Variants in ZNF695 observed in about 807,000 individuals in gnomAD.
ZNF695 encodes zinc finger protein 695.
A neutral mutation model predicts 11.2 loss-of-function variants in ZNF695; 11 were observed. The observed-to-expected ratio is 0.98, with a 90% CI of 0.62 to 1.62. The LOEUF is 1.62. Among genes scored for constraint, ZNF695 ranks in the 40% most tolerant of loss-of-function variants. The probability of loss-of-function intolerance (pLI) is 0.00; values close to 1 mark genes in which losing one functional copy is unlikely to be tolerated. For missense variants in ZNF695, 559 were observed against 590.5 expected (o/e 0.95, Z 0.55); for synonymous variants, 190 against 201.4 (o/e 0.94, Z 0.48).
In ZNF695 at chr1:246,986,948, T is replaced by C; in HGVS notation, c.*19A>G. On this transcript the variant is annotated 3_prime_UTR_variant, in exon 4 of 4. Transcript: ENST00000339986. ...GTATTAAAGACTATGCCATATTGTT[T>C]AGAATTGTAGGGTTTTTCTCAGGTA... is the stretch of plus-strand genomic sequence containing the variant. The C allele has an allele frequency of 6.5e-7, 1 of 1,545,296 alleles. No individual in the cohort carries two copies. The highest frequency in any genetic ancestry group is 1.7e-4 in the Middle Eastern group (1 of 5,734).
At chr1:246,959,001 T>C (rs995168230) in intron 5 of ZNF695, among the ~76,000 whole-genome samples, 6 of 151,816 alleles carry the variant, frequency 4.0e-5, no homozygotes, top group African/African-American at 1.2e-4. Flanking sequence ...TCAGATACTG[T>C]GTCTTGGCCA....
chr1:246,972,927 A>ATG (rs935165677), intron 4 of ZNF695, among the ~76,000 whole-genome samples: 2 of 93,098 alleles, frequency 2.1e-5, no homozygotes, highest in Non-Finnish European at 4.0e-5. Context: ...TATATTTTTA[A>ATG]TGTGTATATA....
At position 246,985,554 on chromosome 1, in the gene ZNF695, G is replaced by A. The variant is rs557181436; in HGVS notation, c.*1413C>T. 1.6e-5 allele frequency: 16 copies of A among 985,348 alleles called. No homozygotes were observed. In the East Asian group the frequency reaches 3.4e-4, roughly 21 times the overall value. 61.0% of individuals were successfully genotyped at this position (985,348 alleles called of 1,614,324 possible). A position where few individuals can be genotyped will look rare whatever the true frequency, so the allele number is the denominator to read the frequency against. ...CGTAACTAAGGTGAGATAGGTTAAC[G>A]TTGGTGGTAGGATACGCATCACTTA... On this transcript the variant is annotated 3_prime_UTR_variant, in exon 4 of 4. Transcript: ENST00000339986.
intron 5 of ZNF695, among the ~76,000 whole-genome samples, chr1:246,962,134 G>T (rs905417191): frequency 6.6e-6 from 1 of 152,236 alleles, no homozygotes; most frequent in African/African-American, 2.4e-5. Flanking sequence ...ACAAATTAAA[G>T]CAATGTTTAT....
At chr1:246,979,728 TTAGTTTAGAG>T (rs1410274625) in intron 4 of ZNF695, 1 of 40,626 alleles carries the variant, frequency 2.5e-5, no homozygotes, top group African/African-American at 3.7e-5. Flanking sequence ...CTCATAATTG[TTAGTTTAGAG>T]TATTCTTTAA....
chr1:246,989,048 C>T (rs371250839), intron 3 of ZNF695, among the ~76,000 whole-genome samples: 4 of 146,472 alleles, frequency 2.7e-5, no homozygotes, highest in East Asian at 4.0e-4. Flanking sequence ...GAGCCAAGAT[C>T]GCGCCACTGC....
chr1:246,999,955 G>A lies in ZNF695; in HGVS notation c.123C>T (p.Ile41=), dbSNP rs200287875. 1.7e-4 allele frequency: 278 copies of A among 1,614,164 alleles called. No homozygotes were observed. The East Asian group carries it at 2.1e-3, about 12-fold the overall frequency. The change falls in exon 2 of 4, where the codon ATC becomes ATT. Residue 41 remains isoleucine, a synonymous_variant. Coordinates refer to ENST00000339986, the MANE Select transcript of ZNF695 (RefSeq NM_020394.5). ...DVMLENYRNL[I]SLGEDSFNMQ... ...TATTGAAGCTATCCTCACCAAGGGAGATCAGGTTTCTGTAGTTCTCTAACA... is the reference window on the plus strand; with the variant it reads ...TATTGAAGCTATCCTCACCAAGGGAAATCAGGTTTCTGTAGTTCTCTAACA...
chr1:246,947,663 T>C (rs1264092164), intron 5 of ZNF695, among the ~76,000 whole-genome samples: 1 of 108,358 alleles, frequency 9.2e-6, no homozygotes, highest in African/African-American at 3.3e-5. Flanking sequence ...CAACCACACG[T>C]TTATTCACAG....
downstream of ZNF695, among the ~76,000 whole-genome samples, chr1:246,980,711 C>T (rs1412891263): frequency 6.6e-6 from 1 of 152,116 alleles, no homozygotes; most frequent in Non-Finnish European, 1.5e-5. Context: ...AGCCACCGCA[C>T]CCGGCCGAGT....
intron 3 of ZNF695, among the ~76,000 whole-genome samples, chr1:246,992,505 C>A (rs1029777510): frequency 2.0e-5 from 3 of 151,892 alleles, no homozygotes; most frequent in African/African-American, 4.8e-5. Flanking sequence ...AACAGGGTGA[C>A]CATAGTCAAA....
intron 5 of ZNF695, among the ~76,000 whole-genome samples, chr1:246,947,196 T>C (rs3122534): frequency 3.2e-5 from 4 of 124,992 alleles, no homozygotes; most frequent in African/African-American, 8.9e-5. Context: ...TTATTTTTTT[T>C]GGGGGGGTGG....
intron 5 of ZNF695, among the ~76,000 whole-genome samples, chr1:246,957,818 G>T (rs1185489928): frequency 6.6e-6 from 1 of 150,724 alleles, no homozygotes; most frequent in Admixed American, 6.6e-5. Context: ...TATTTTTAGT[G>T]GAGACAGGTT....
Position 246,999,406 on chromosome 1 carries a change from A to G in ZNF695, c.201T>C (p.Cys67=), listed in dbSNP as rs1297158457. The G allele has an allele frequency of 6.2e-7, 1 of 1,614,014 alleles. No individual in the cohort carries two copies. The highest frequency in any genetic ancestry group is 2.2e-5 in the East Asian group (1 of 44,884). ...LAMSKPELII[C]LEARKEPWNV... ...TCCAGGGCTCTTTCCTTGCCTCCAG[A>G]CAGATGATCAGTTCTGGCTTAGACA... Residue 67 remains cysteine (C), a synonymous_variant, in exon 3 of 4, where the codon TGT becomes TGC. Transcript: ENST00000339986.
chr1:246,986,020 T>C lies in ZNF695; in HGVS notation c.*947A>G. ...ACTTGAATTACATAAATATGTGATT[T>C]TCAAAAAAGCTAAAACTCTTTCAGT... On this transcript the variant is annotated 3_prime_UTR_variant, in exon 4 of 4. Coordinates refer to ENST00000339986, the MANE Select transcript of ZNF695 (RefSeq NM_020394.5). 4 of 984,682 alleles carry C rather than the reference T, an allele frequency of 4.1e-6. No homozygotes were observed. The highest frequency in any genetic ancestry group is 4.8e-6 in the Non-Finnish European group (4 of 829,316). 61.0% of individuals were successfully genotyped at this position (984,682 alleles called of 1,614,324 possible).
chr1:246,954,090 C>T (rs957771643), intron 5 of ZNF695, among the ~76,000 whole-genome samples: 3 of 152,046 alleles, frequency 2.0e-5, no homozygotes, highest in African/African-American at 7.2e-5. Flanking sequence ...TTCCATTTTG[C>T]CATCCTTAAA....
Position 246,976,453 on chromosome 1 carries a change from T to C in ZNF695, c.391-8661A>G, listed in dbSNP as rs184913584. ...AAGACATTCTATTTCAGTGGGAATGTTGTAGTAGGCAACATTTGCTGTAAA... is the reference window on the plus strand; with the variant it reads ...AAGACATTCTATTTCAGTGGGAATGCTGTAGTAGGCAACATTTGCTGTAAA... On this transcript the variant is annotated intron_variant, in intron 4 of 5. Transcript: ENST00000487338. Among the ~76,000 whole-genome samples, 111 of 152,310 alleles carry C rather than the reference T, an allele frequency of 7.3e-4. 1 individual carries two copies. Among genetic ancestry groups the C allele is most frequent in the South Asian group, 6.0e-3 (29 of 4,832 alleles).
At position 246,953,797 on chromosome 1, in the gene ZNF695, G is replaced by T. The variant is rs1185945651; in HGVS notation, c.489-7970C>A. On this transcript the variant is annotated intron_variant, in intron 5 of 5. Transcript: ENST00000487338. Reference sequence around the variant, plus strand: ...AAAAATTAGCTGGGCATAGTGGCAGGCACCTGTAATCCCAGCTACTCAGGA... The same window carrying T: ...AAAAATTAGCTGGGCATAGTGGCAGTCACCTGTAATCCCAGCTACTCAGGA... Among the ~76,000 whole-genome samples, 4 of 147,502 alleles carry T rather than the reference G, an allele frequency of 2.7e-5. No homozygotes were observed. In the East Asian group the frequency reaches 8.2e-4, roughly 30 times the overall value.
rs34758795 is a variant in ZNF695 at position 247,007,494 on chromosome 1, C to CAAA, written c.3+409_3+411dup. On this transcript the variant is annotated intron_variant, in intron 1 of 3. Transcript: ENST00000339986. ...CTGGCGACAGGGCGAGACTCCGTCT[C>CAAA]AAAAAAAAAAAAAAAAAAAAAGAGG... 3.7e-3 allele frequency among the ~76,000 whole-genome samples: 292 copies of CAAA among 78,874 alleles called. 12 individuals carry two copies. The highest frequency in any genetic ancestry group is 0.011 in the African/African-American group (201 of 18,184). The allele number at this position is 78,874 out of a possible 152,430, so 51.7% of individuals were successfully genotyped here.
chr1:246,994,756 G>A (rs981793415), intron 3 of ZNF695, among the ~76,000 whole-genome samples: 3 of 152,074 alleles, frequency 2.0e-5, no homozygotes, highest in Admixed American at 6.5e-5. Context: ...AGAATGGCGT[G>A]AACCCGGGAG....
Sources: gnomAD v4.1 joint callset for allele counts (sites outside exome capture counted in the v4.1 genomes callset) on GRCh38, gnomAD v4.1.1 for gene constraint, MANE v1.5 for transcripts, NCBI Gene and HGNC (gene_info 2026-07-23, HGNC 2026-07-21) for gene names.